The following TCP11L2 variants were observed in gnomAD, a reference collection of about 807,000 sequenced individuals.
TCP11L2 encodes T-complex protein 11-like protein 2.
A neutral mutation model predicts 50.7 loss-of-function variants in TCP11L2; 39 were observed. The observed-to-expected ratio is 0.77, with a 90% CI of 0.60 to 1.01. TCP11L2 has a LOEUF of 1.01. Among genes scored for constraint, TCP11L2 ranks in the 50% least tolerant of loss-of-function variants. The pLI, the probability that TCP11L2 is intolerant of heterozygous loss-of-function variation, is 0.00. For synonymous variants in TCP11L2, 192 were observed against 219.3 expected (o/e 0.88, Z 1.10); for missense variants, 612 against 614.7 (o/e 1.00, Z 0.05).
intron 2 of TCP11L2, among the ~76,000 whole-genome samples, 192 bp from the exon 3 acceptor site, chr12:106,314,166 A>G (rs1011391248): frequency 1.3e-5 from 2 of 152,212 alleles, no homozygotes; most frequent in African/African-American, 4.8e-5. Context: ...AACTGAAGCT[A>G]TTGAAGGAGT....
intron 6 of TCP11L2, chr12:106,329,234 C>A: frequency 7.0e-7 from 1 of 1,434,948 alleles, no homozygotes; most frequent in South Asian, 1.2e-5. Flanking sequence ...ACCTTTAAAT[C>A]CCCAGTACTT....
intron 6 of TCP11L2, chr12:106,326,042 A>T (rs755547780): frequency 1.4e-4 from 22 of 152,186 alleles, no homozygotes; most frequent in African/African-American, 4.8e-4. Context: ...CTTACAGGCA[A>T]GGAAACTGAG....
chr12:106,333,362 C>T (rs61940335), intron 6 of TCP11L2, among the ~76,000 whole-genome samples: 49,229 of 151,856 alleles, frequency 0.32, 8,281 homozygotes, highest in Non-Finnish European at 0.36. Flanking sequence ...ATACATAAGT[C>T]GGTGTGGATA....
rs764731342 is a variant in TCP11L2, at chr12:106,335,614, A to G, written c.773-25A>G. 14 of 1,610,876 alleles carry G rather than the reference A, an allele frequency of 8.7e-6. No individual in the cohort carries two copies. The South Asian group carries it at 1.5e-4, about 18-fold the overall frequency. On this transcript the variant is annotated intron_variant, in intron 6 of 9. Coordinates refer to ENST00000299045, the MANE Select transcript of TCP11L2 (RefSeq NM_152772.3). ...TGAAGGGATCAATCAGCTGTAGAAC[A>G]AATATGTGGCCTTTTCACTCTTAGG... is the stretch of plus-strand genomic sequence containing the variant.
intron 2 of TCP11L2, 128 bp downstream of exon 2, chr12:106,311,360 T>C: frequency 9.5e-7 from 1 of 1,057,440 alleles, no homozygotes; most frequent in South Asian, 1.7e-5. Context: ...AGAATAGCAC[T>C]GCAGAGGCAC....
rs1366576686 is a variant in TCP11L2, at chr12:106,314,570, TGTGTGTGAGA to T, written c.293+79_293+88del. ...GTGTGTGTGTGTGTGTGTGTGTGTG[TGTGTGTGAGA>T]GAGAGAGAGAGAGAGAGAGAGACAG... On this transcript the variant is annotated intron_variant, in intron 3 of 9. Transcript: ENST00000299045. The T allele has an allele frequency of 5.5e-5, 54 of 975,864 alleles. No individual in the cohort carries two copies. In the African/African-American group the frequency reaches 6.5e-4, roughly 12 times the overall value. 60.5% of individuals were successfully genotyped at this position (975,864 alleles called of 1,614,324 possible). A position where few individuals can be genotyped will look rare whatever the true frequency, so the allele number is the denominator to read the frequency against.
upstream of TCP11L2, among the ~76,000 whole-genome samples, chr12:106,301,121 T>C (rs957140962): frequency 1.3e-5 from 2 of 152,214 alleles, no homozygotes; most frequent in Non-Finnish European, 2.9e-5. Flanking sequence ...AATTGGAGGC[T>C]TCTGTCATTC....
At position 106,346,345 on chromosome 12, in the gene TCP11L2, A is replaced by G. The variant is rs757062673; in HGVS notation, c.1375A>G (p.Met459Val). ...LLCLPSPQKC[M>V]PPMPGGLAVI... Reference sequence around the variant, plus strand: ...TTGTCTTCCAAGCCCTCAAAAATGCATGCCTCCTATGCCAGGAGGCCTAGC... The same window carrying G: ...TTGTCTTCCAAGCCCTCAAAAATGCGTGCCTCCTATGCCAGGAGGCCTAGC... The change falls in exon 10 of 10, where the codon ATG becomes GTG. Residue 459 changes from methionine (M) to valine (V), a missense_variant. Transcript: ENST00000299045. 3.1e-6 allele frequency: 5 copies of G among 1,614,122 alleles called. No individual in the cohort carries two copies. In the East Asian group the frequency reaches 6.7e-5, roughly 22 times the overall value.
intron 2 of TCP11L2, among the ~76,000 whole-genome samples, chr12:106,313,623 C>T (rs1243503148): frequency 2.3e-5 from 2 of 85,144 alleles, no homozygotes; most frequent in East Asian, 2.3e-4. Context: ...ATAAATATTA[C>T]GGTTTTAAAA....
chr12:106,321,482 G>T lies in TCP11L2; in HGVS notation c.415-4G>T. ...GCTGTTAATTTTTATTTCTTTCCCT[G>T]TAGATTCTTCTCTCTTTTCTCACTC... On this transcript the variant is annotated splice_region_variant and splice_polypyrimidine_tract_variant and intron_variant, in intron 4 of 9. Transcript: ENST00000299045. The T allele has an allele frequency of 6.2e-7, 1 of 1,609,426 alleles. No homozygotes were observed. The highest frequency in any genetic ancestry group is 1.7e-4 in the Middle Eastern group (1 of 6,054).
chr12:106,299,144 T>A (rs901186585), upstream of TCP11L2, among the ~76,000 whole-genome samples: 1 of 152,160 alleles, frequency 6.6e-6, no homozygotes, highest in Non-Finnish European at 1.5e-5. Context: ...TTTTGTTTTT[T>A]TCAATTACAA....
rs563640964 is a variant in TCP11L2 at position 106,346,927 on chromosome 12, A to G, written c.*397A>G. On this transcript the variant is annotated 3_prime_UTR_variant, in exon 10 of 10. Coordinates refer to ENST00000299045, the MANE Select transcript of TCP11L2 (RefSeq NM_152772.3). Reference sequence around the variant, plus strand: ...CCTAATGGTTTTTAATTTTGGTACAACTCCTTAAAGGGTTGAAGGTTGTGA... The same window carrying G: ...CCTAATGGTTTTTAATTTTGGTACAGCTCCTTAAAGGGTTGAAGGTTGTGA... 35 of 160,034 alleles carry G rather than the reference A, an allele frequency of 2.2e-4. No homozygotes were observed. Among genetic ancestry groups the G allele is most frequent in the East Asian group, 1.6e-3 (9 of 5,510 alleles). 9.9% of individuals were successfully genotyped at this position (160,034 alleles called of 1,614,324 possible). A position where few individuals can be genotyped will look rare whatever the true frequency, so the allele number is the denominator to read the frequency against.
At position 106,335,648 on chromosome 12, in the gene TCP11L2, A is replaced by G. The variant is rs1592973108; in HGVS notation, c.782A>G (p.Asp261Gly). ...GCCTTTTCACTCTTAGGTGCTCTTG[A>G]TCAGACTACAGAATGGATAAAAGAA... Reference protein sequence around the residue: ...EILEETPSALDQTTEWIKESV... With the variant: ...EILEETPSALGQTTEWIKESV... The change falls in exon 7 of 10, where the codon GAT (aspartate) becomes GGT (glycine). Residue 261 changes from aspartate to glycine, a missense_variant. Transcript: ENST00000299045. 1 of 1,614,106 alleles carries G rather than the reference A, an allele frequency of 6.2e-7. No homozygotes were observed. Among genetic ancestry groups the G allele is most frequent in the Non-Finnish European group, 8.5e-7 (1 of 1,180,012 alleles).
intron 1 of TCP11L2, chr12:106,307,407 A>G (rs189341326): frequency 6.6e-6 from 1 of 152,316 alleles, no homozygotes; most frequent in East Asian, 1.9e-4. Flanking sequence ...AAGTTGTTTG[A>G]TTTACTTGTG....
At chr12:106,322,904 T>C (rs1219684186) in intron 5 of TCP11L2, among the ~76,000 whole-genome samples, 2 of 152,252 alleles carry the variant, frequency 1.3e-5, no homozygotes, top group Non-Finnish European at 2.9e-5. Flanking sequence ...AAATCTGTGA[T>C]GTTCATCATG....
chr12:106,309,375 T>G (rs776507630), intron 1 of TCP11L2, among the ~76,000 whole-genome samples: 6 of 152,012 alleles, frequency 3.9e-5, no homozygotes, highest in Admixed American at 1.3e-4. Flanking sequence ...AAGGTGAGTG[T>G]CTCCACTCCA....
chr12:106,315,408 C>T (rs374383552), intron 3 of TCP11L2, among the ~76,000 whole-genome samples: 10 of 152,122 alleles, frequency 6.6e-5, no homozygotes, highest in African/African-American at 2.4e-4. Context: ...CTTGCTGCCT[C>T]CTTTTTGTTA....
At chr12:106,318,286 T>C (rs995488465) in intron 3 of TCP11L2, 58 bp from the exon 4 acceptor site, 15 of 1,578,760 alleles carry the variant, frequency 9.5e-6, no homozygotes, top group Non-Finnish European at 1.2e-5. Context: ...GGATGTTTCT[T>C]TTATAATCAG....
intron 1 of TCP11L2, among the ~76,000 whole-genome samples, chr12:106,305,358 C>T (rs545702200): frequency 2.0e-4 from 31 of 152,278 alleles, no homozygotes; most frequent in Non-Finnish European, 3.7e-4. Context: ...ATTTGCTACA[C>T]GTGAGTTTCT....
Sources: allele counts gnomAD v4.1 joint callset (sites outside exome capture counted in the v4.1 genomes callset), GRCh38; gene constraint gnomAD v4.1.1; transcripts MANE v1.5; gene names NCBI Gene and HGNC (gene_info 2026-07-23, HGNC 2026-07-21).